Variants in ABCC4 observed in about 807,000 individuals in gnomAD.
ABCC4 encodes the protein ATP binding cassette subfamily C member 4 (PEL blood group), also known as ATP-binding cassette sub-family C member 4.
A neutral mutation model predicts 168.5 loss-of-function variants in ABCC4; 102 were observed. That is an observed-to-expected ratio of 0.61 (90% confidence interval 0.52 to 0.71). The LOEUF is 0.71. Ranked by LOEUF, ABCC4 falls within the 30% of genes least tolerant of loss-of-function variation. The pLI is 0.00. For synonymous variants in ABCC4, 617 were observed against 590.7 expected (o/e 1.04, Z -0.65); for missense variants, 1,402 against 1,605.8 (o/e 0.87, Z 2.17).
intron 26 of ABCC4, among the ~76,000 whole-genome samples, chr13:95,062,245 GT>G (rs1013335225): frequency 6.6e-6 from 1 of 152,142 alleles, no homozygotes; most frequent in Non-Finnish European, 1.5e-5. Context: ...CCAACTATAA[GT>G]TTTTTAACTC....
intron 14 of ABCC4, among the ~76,000 whole-genome samples, chr13:95,168,231 G>A (rs2037349731): frequency 6.6e-6 from 1 of 152,176 alleles, no homozygotes; most frequent in South Asian, 2.1e-4. Context: ...TAATGTACCA[G>A]CATTCAGGTT....
intron 9 of ABCC4, among the ~76,000 whole-genome samples, chr13:95,192,276 G>A (rs543556882): frequency 3.9e-5 from 6 of 152,172 alleles, no homozygotes; most frequent in African/African-American, 1.4e-4. Context: ...TTCCTCTGCA[G>A]CTTCTCTCCA....
intron 1 of ABCC4, among the ~76,000 whole-genome samples, chr13:95,268,943 A>C (rs757826652): frequency 1.3e-5 from 2 of 151,932 alleles, no homozygotes; most frequent in Non-Finnish European, 2.9e-5. Context: ...TTCTTTTCTC[A>C]GTCTCTCGTC....
intron 19 of ABCC4, among the ~76,000 whole-genome samples, chr13:95,117,180 G>GTGACAA (rs767312751): frequency 2.0e-5 from 3 of 151,426 alleles, no homozygotes; most frequent in Non-Finnish European, 2.9e-5. Flanking sequence ...GGCAGGCCCA[G>GTGACAA]TGACAACTTT....
At chr13:95,170,723 A>G in intron 13 of ABCC4, 95 bp from the exon 14 acceptor site, 1 of 702,836 alleles carries the variant, frequency 1.4e-6, no homozygotes. Context: ...AAGACAACAC[A>G]GTAGTCAAAG....
intron 19 of ABCC4, among the ~76,000 whole-genome samples, chr13:95,120,065 T>C (rs778836294): frequency 6.6e-6 from 1 of 152,162 alleles, no homozygotes; most frequent in Non-Finnish European, 1.5e-5. Flanking sequence ...TATCTCAAGA[T>C]TTTGAGGTTC....
At chr13:95,084,996 C>A (rs1042715485) in intron 20 of ABCC4, among the ~76,000 whole-genome samples, 1 of 152,248 alleles carries the variant, frequency 6.6e-6, no homozygotes, top group African/African-American at 2.4e-5. Flanking sequence ...TTAGTCCCTA[C>A]CTACTCTGAA....
rs779443384 is a variant in ABCC4, at chr13:95,073,259, G to T, written c.2963C>A (p.Thr988Lys). Residue 988 changes from threonine to lysine, a missense_variant, in exon 24 of 31, where the codon ACG becomes AAG. Physicochemically the swap from Thr to Lys is moderately conservative, Grantham distance 78. Transcript: ENST00000645237. The stretch of plus-strand genomic sequence containing the variant: ...ACACCACTGAAACATCCCCATGAGC[G>T]TGAGGGCATAGGACAGTGCCAAACC... ...QVGLALSYALTLMGMFQWCVR... is the reference protein window; with the variant it reads ...QVGLALSYALKLMGMFQWCVR... 1 of 1,613,868 alleles carries T rather than the reference G, an allele frequency of 6.2e-7. No individual in the cohort carries two copies. The highest frequency in any genetic ancestry group is 1.7e-5 in the Admixed American group (1 of 60,018).
At chr13:95,035,778 G>A (rs1260368692) in intron 29 of ABCC4, among the ~76,000 whole-genome samples, 1 of 152,160 alleles carries the variant, frequency 6.6e-6, no homozygotes, top group African/African-American at 2.4e-5. Flanking sequence ...TAGGAAAACA[G>A]TTCTGAGGTT....
chr13:95,210,614 C>G, intron 5 of ABCC4, 78 bp downstream of exon 5: 2 of 1,225,650 alleles, frequency 1.6e-6, no homozygotes, highest in South Asian at 2.6e-5. Flanking sequence ...ACAGAGTGAG[C>G]CCCTGCCTCC....
intron 3 of ABCC4, among the ~76,000 whole-genome samples, chr13:95,236,297 T>G (rs189100395): frequency 6.6e-6 from 1 of 152,292 alleles, no homozygotes; most frequent in East Asian, 1.9e-4. Context: ...AAAGACAAAA[T>G]GCAAAATGTT....
intron 26 of ABCC4, among the ~76,000 whole-genome samples, chr13:95,059,574 G>T (rs934049236): frequency 6.6e-6 from 1 of 152,134 alleles, no homozygotes; most frequent in Admixed American, 6.5e-5. Flanking sequence ...AAAACAAAGT[G>T]ATAGCCTCAC....
intron 5 of ABCC4, among the ~76,000 whole-genome samples, chr13:95,209,838 T>C (rs1356579035): frequency 6.6e-6 from 1 of 152,208 alleles, no homozygotes; most frequent in Admixed American, 6.5e-5. Context: ...TAGAAGAATG[T>C]CTTGATCGTG....
At chr13:95,069,223 C>T (rs1038860843) in intron 25 of ABCC4, among the ~76,000 whole-genome samples, 3 of 152,060 alleles carry the variant, frequency 2.0e-5, no homozygotes, top group Admixed American at 1.3e-4. Flanking sequence ...GTTTTGTTAC[C>T]GATTTCTTTG....
At chr13:95,025,237 A>C (rs1298752931) in intron 30 of ABCC4, among the ~76,000 whole-genome samples, 5 of 15,494 alleles carry the variant, frequency 3.2e-4, no homozygotes, top group Non-Finnish European at 5.9e-4. Flanking sequence ...ACACACCCAT[A>C]CACACACACC....
intron 20 of ABCC4, among the ~76,000 whole-genome samples, chr13:95,085,434 C>T (rs1052775435): frequency 6.6e-6 from 1 of 152,086 alleles, no homozygotes; most frequent in Non-Finnish European, 1.5e-5. Context: ...AGTGAGACTA[C>T]ATCTCAAAAA....
At chr13:95,272,966 C>T (rs1478169471) in intron 1 of ABCC4, among the ~76,000 whole-genome samples, 1 of 151,510 alleles carries the variant, frequency 6.6e-6, no homozygotes. Context: ...CAAAATCATA[C>T]ACACACACAC....
intron 19 of ABCC4, among the ~76,000 whole-genome samples, chr13:95,126,335 C>T (rs182889784): frequency 5.9e-5 from 9 of 152,232 alleles, no homozygotes; most frequent in Admixed American, 1.3e-4. Context: ...CATATTTATA[C>T]AGCATTCACC....
chr13:95,280,261 CA>C (rs1186395734), intron 1 of ABCC4, among the ~76,000 whole-genome samples: 1 of 151,706 alleles, frequency 6.6e-6, no homozygotes, highest in African/African-American at 2.4e-5. Context: ...ACTAACAATA[CA>C]AAAAATTAAC....
Sources: allele counts gnomAD v4.1 joint callset (sites outside exome capture counted in the v4.1 genomes callset), GRCh38; gene constraint gnomAD v4.1.1; transcripts MANE v1.5; gene names NCBI Gene and HGNC (gene_info 2026-07-23, HGNC 2026-07-21).